The following SLC16A1 variants were observed in gnomAD, a reference collection of about 807,000 sequenced individuals.
SLC16A1 encodes monocarboxylate transporter 1.
In SLC16A1, 11 loss-of-function variants were observed where a neutral mutation model predicts 32.2. The ratio of observed to expected loss-of-function variants is 0.34; its 90% CI spans 0.21 to 0.56. The LOEUF is 0.56. SLC16A1 is among the 20% of genes least tolerant of loss of function. The pLI, the probability that SLC16A1 is intolerant of heterozygous loss-of-function variation, is 0.87. For missense variants in SLC16A1, 435 were observed against 615.0 expected (o/e 0.71, Z 3.10); for synonymous variants, 231 against 226.8 (o/e 1.02, Z -0.17).
intron 1 of SLC16A1, among the ~76,000 whole-genome samples, chr1:112,942,884 C>T (rs958346413): frequency 7.2e-5 from 11 of 152,276 alleles, no homozygotes; most frequent in African/African-American, 2.4e-4. Flanking sequence ...ATGAAGTGAA[C>T]ATATTTGTAA....
chr1:112,924,309 T>G (rs776892131), intron 2 of SLC16A1: 1 of 1,397,944 alleles, frequency 7.2e-7, no homozygotes, highest in African/African-American at 1.4e-5. Flanking sequence ...AGCCTGGCAA[T>G]TGGTTGCTCA....
intron 2 of SLC16A1, among the ~76,000 whole-genome samples, chr1:112,928,395 A>T (rs1028305003): frequency 6.6e-5 from 10 of 152,374 alleles, no homozygotes; most frequent in African/African-American, 2.4e-4. Flanking sequence ...CTTGACAGAT[A>T]TTGGTTGACT....
intron 1 of SLC16A1, among the ~76,000 whole-genome samples, chr1:112,945,154 G>A (rs1055330855): frequency 1.3e-5 from 2 of 151,662 alleles, no homozygotes; most frequent in African/African-American, 4.8e-5. Flanking sequence ...GCCTGCCACC[G>A]TGCCTGCCTA....
intron 1 of SLC16A1, among the ~76,000 whole-genome samples, chr1:112,933,435 G>A (rs1436516233): frequency 3.7e-5 from 5 of 135,726 alleles, no homozygotes; most frequent in African/African-American, 8.3e-5. Context: ...CAGCATGGCC[G>A]ACACAGCGAG....
At chr1:112,922,959 T>A (rs1172710858) in intron 2 of SLC16A1, among the ~76,000 whole-genome samples, 1 of 151,892 alleles carries the variant, frequency 6.6e-6, no homozygotes, top group Non-Finnish European at 1.5e-5. Context: ...TCACCCAAGC[T>A]GGAGTGCAGT....
intron 1 of SLC16A1, among the ~76,000 whole-genome samples, chr1:112,947,504 A>C (rs1459607992): frequency 1.3e-5 from 2 of 152,248 alleles, no homozygotes; most frequent in Non-Finnish European, 2.9e-5. Flanking sequence ...TCTTGCAAAG[A>C]GCTAAATTGA....
intron 1 of SLC16A1, among the ~76,000 whole-genome samples, chr1:112,949,722 T>C (rs986915752): frequency 5.3e-5 from 8 of 152,146 alleles, no homozygotes; most frequent in African/African-American, 1.7e-4. Flanking sequence ...CTTAAACAAA[T>C]AGAGACAGGG....
Position 112,912,705 on chromosome 1 carries a change from C to T in SLC16A1, c.*1186G>A, listed in dbSNP as rs1322693981. On this transcript the variant is annotated 3_prime_UTR_variant, in exon 5 of 5. Coordinates refer to ENST00000369626, the MANE Select transcript of SLC16A1 (RefSeq NM_003051.4). ...TTCTCTGAAAAAAGAGAAGGAATTACTTATTAAAACTAAGCACACTTAGCA... is the reference window on the plus strand; with the variant it reads ...TTCTCTGAAAAAAGAGAAGGAATTATTTATTAAAACTAAGCACACTTAGCA... 2.6e-5 allele frequency: 4 copies of T among 151,906 alleles called. No homozygotes were observed. Among genetic ancestry groups the T allele is most frequent in the Admixed American group, 6.6e-5 (1 of 15,244 alleles). The allele number at this position is 151,906 out of a possible 1,614,324, so 9.4% of individuals were successfully genotyped here.
At chr1:112,947,013 T>G (rs1248848042) in intron 1 of SLC16A1, among the ~76,000 whole-genome samples, 6 of 152,250 alleles carry the variant, frequency 3.9e-5, no homozygotes, top group Non-Finnish European at 5.9e-5. Context: ...ACATATTAAT[T>G]TATTTCTTGG....
intron 1 of SLC16A1, among the ~76,000 whole-genome samples, chr1:112,937,048 T>A (rs538778065): frequency 2.0e-5 from 3 of 152,228 alleles, no homozygotes; most frequent in Non-Finnish European, 4.4e-5. Context: ...GCTGCAGGCA[T>A]TGATTTTATG....
chr1:112,917,087 A>G lies in SLC16A1; in HGVS notation c.1228+91T>C. ...AATGAGAAAGATTTATTCTTACCCA[A>G]ATAGCTCACTAATGTTTGCTTTCTG... On this transcript the variant is annotated intron_variant, in intron 4 of 4. Coordinates refer to ENST00000369626, the MANE Select transcript of SLC16A1 (RefSeq NM_003051.4). This position sits in a 1 kb window ranked among gnomAD's most constrained non-coding sequence, Gnocchi z 4.1. The G allele has an allele frequency of 6.6e-7, 1 of 1,515,260 alleles. No individual in the cohort carries two copies. Among genetic ancestry groups the G allele is most frequent in the South Asian group, 1.2e-5 (1 of 86,738 alleles). 93.9% of individuals were successfully genotyped at this position (1,515,260 alleles called of 1,614,324 possible).
intron 2 of SLC16A1, 93 bp downstream of exon 2, chr1:112,928,999 G>T (rs934066635): frequency 2.2e-6 from 2 of 906,778 alleles, no homozygotes; most frequent in Non-Finnish European, 3.4e-6. Context: ...ACATCTCACT[G>T]AATAAGACTT....
intron 3 of SLC16A1, among the ~76,000 whole-genome samples, chr1:112,920,533 G>A (rs940491533): frequency 2.0e-5 from 3 of 152,162 alleles, no homozygotes; most frequent in African/African-American, 7.2e-5. Flanking sequence ...TTGAACCCAG[G>A]AGGCGGAGAT....
chr1:112,924,437 G>C lies in SLC16A1; in HGVS notation c.218-2304C>G, dbSNP rs768620684. The C allele has an allele frequency of 4.5e-6, 4 of 895,072 alleles. No individual in the cohort carries two copies. The East Asian group carries it at 7.6e-5, about 17-fold the overall frequency. The allele number at this position is 895,072 out of a possible 1,614,324, so 55.4% of individuals were successfully genotyped here. A position where few individuals can be genotyped will look rare whatever the true frequency, so the allele number is the denominator to read the frequency against. On this transcript the variant is annotated intron_variant, in intron 2 of 4. Transcript: ENST00000369626. ...TTAGAAGTGCCTCAGTAAATTCTTA[G>C]GGATGGAAGTATTTGGACAAAAACC...
At chr1:112,955,228 A>G (rs1650033435) in intron 1 of SLC16A1, 1 of 152,108 alleles carries the variant, frequency 6.6e-6, no homozygotes, top group Non-Finnish European at 1.5e-5. Context: ...ATGTCATGAC[A>G]AAGTAATAAA....
chr1:112,929,259 C>G lies in SLC16A1; in HGVS notation c.50G>C (p.Gly17Ala), dbSNP rs1184871357. The G allele has an allele frequency of 1.8e-5, 29 of 1,614,020 alleles. No homozygotes were observed. Among genetic ancestry groups the G allele is most frequent in the Non-Finnish European group, 2.4e-5 (28 of 1,180,014 alleles). Reference protein sequence around the residue: ...GPVGYTPPDGGWGWAVVIGAF... With the variant: ...GPVGYTPPDGAWGWAVVIGAF... ...TCCAATTACCACTGCCCAGCCCCAG[C>G]CTCCATCTGGGGGGGTGTATCCAAC... The change falls in exon 2 of 5, where the codon GGC (glycine) becomes GCC (alanine). Residue 17 changes from glycine to alanine, a missense_variant. Physicochemically the swap from Gly to Ala is moderately conservative, Grantham distance 60. Transcript: ENST00000369626.
At chr1:112,945,607 G>A (rs1392138034) in intron 1 of SLC16A1, among the ~76,000 whole-genome samples, 3 of 151,226 alleles carry the variant, frequency 2.0e-5, no homozygotes, top group African/African-American at 7.3e-5. Flanking sequence ...CCCGGGAGTC[G>A]GAGGTTGCAG....
intron 1 of SLC16A1, among the ~76,000 whole-genome samples, chr1:112,936,533 G>A (rs746776849): frequency 2.8e-5 from 4 of 145,404 alleles, no homozygotes; most frequent in Admixed American, 6.8e-5. Flanking sequence ...TTGTCCAGAT[G>A]AAATAATTTT....
At chr1:112,929,518 G>C (rs1451875674) in intron 1 of SLC16A1, among the ~76,000 whole-genome samples, 166 bp from the exon 2 acceptor site, 3 of 151,890 alleles carry the variant, frequency 2.0e-5, no homozygotes, top group Non-Finnish European at 4.4e-5. Flanking sequence ...GTTCAAGACA[G>C]CCCGGGCAAC....
Sources: gnomAD v4.1 joint callset for allele counts (sites outside exome capture counted in the v4.1 genomes callset) on GRCh38, gnomAD v4.1.1 for gene constraint, Gnocchi (gnomAD v3.1) non-coding constraint, MANE v1.5 for transcripts, NCBI Gene and HGNC (gene_info 2026-07-23, HGNC 2026-07-21) for gene names.